Variants in RPS6KA3 observed in about 807,000 individuals in gnomAD.
The protein encoded by RPS6KA3 is ribosomal protein S6 kinase A3.
RPS6KA3 carries 4 observed loss-of-function variants against 67.2 expected under a neutral mutation model. That is an observed-to-expected ratio of 0.06 (90% CI 0.03 to 0.14). RPS6KA3 has a LOEUF of 0.14. Ranked by LOEUF, RPS6KA3 falls within the 10% of genes least tolerant of loss-of-function variation. RPS6KA3 has a pLI of 1.00. For synonymous variants in RPS6KA3, 182 were observed against 183.7 expected (o/e 0.99, Z 0.07); for missense variants, 204 against 559.0 (o/e 0.36, Z 6.40).
Position 20,186,560 on chromosome X carries a change from G to GT in RPS6KA3, c.775-195dup, listed in dbSNP as rs369090914. On this transcript the variant is annotated intron_variant, in intron 9 of 21. Coordinates refer to ENST00000379565, the MANE Select transcript of RPS6KA3 (RefSeq NM_004586.3). Reference sequence around the variant, plus strand: ...ATTCCTAAAACAACTGAGCTATACAGTTTTTTTTTTTTTGTAGAAATCAAT... The same window carrying GT: ...ATTCCTAAAACAACTGAGCTATACAGTTTTTTTTTTTTTTGTAGAAATCAAT... Among the ~76,000 whole-genome samples, 1,751 of 101,145 alleles carry GT rather than the reference G, an allele frequency of 0.017. 30 individuals are homozygous for GT. Among genetic ancestry groups the GT allele is most frequent in the African/African-American group, 0.051 (1,427 of 28,170 alleles). The allele number at this position is 101,145 out of a possible 115,157, so 87.8% of individuals were successfully genotyped here. A position where few individuals can be genotyped will look rare whatever the true frequency, so the allele number is the denominator to read the frequency against.
intron 2 of RPS6KA3, among the ~76,000 whole-genome samples, chrX:20,224,032 C>G (rs149219389): frequency 9.0e-6 from 1 of 111,456 alleles, no homozygotes; most frequent in African/African-American, 3.3e-5. Flanking sequence ...ATTTAAGATA[C>G]TACTATATTC....
At chrX:20,217,799 T>A (rs760163933) in intron 2 of RPS6KA3, among the ~76,000 whole-genome samples, 1 of 112,342 alleles carries the variant, frequency 8.9e-6, no homozygotes, top group Non-Finnish European at 1.9e-5. Flanking sequence ...AACCTCTTTG[T>A]AGATGATCAA....
chrX:20,227,587 C>A (rs1818563040), intron 2 of RPS6KA3, among the ~76,000 whole-genome samples: 1 of 110,923 alleles, frequency 9.0e-6, no homozygotes, highest in Non-Finnish European at 1.9e-5. Context: ...CAGAGATGAG[C>A]CTTCTTGAGA....
intron 5 of RPS6KA3, 108 bp from the exon 6 acceptor site, chrX:20,194,376 A>C (rs2068218196): frequency 2.0e-6 from 1 of 503,881 alleles, no homozygotes; most frequent in Non-Finnish European, 3.4e-6. Context: ...TCAAATGTCC[A>C]AACTTACTTT....
rs182018939 is a variant in RPS6KA3 at position 20,180,315 on chromosome X, G to A, written c.846-3231C>T. Among the ~76,000 whole-genome samples, 6 of 110,268 alleles carry A rather than the reference G, an allele frequency of 5.4e-5. No homozygotes were observed. The East Asian group carries it at 8.6e-4, about 16-fold the overall frequency. On this transcript the variant is annotated intron_variant, in intron 10 of 21. Transcript: ENST00000379565. The stretch of plus-strand genomic sequence containing the variant: ...CCTCCTGATGTAATAGGGACCACAC[G>A]GTATTAGCTGTGAAATAATCTTGCT...
intron 14 of RPS6KA3, among the ~76,000 whole-genome samples, chrX:20,174,598 C>T (rs2067654132): frequency 1.8e-5 from 2 of 109,380 alleles, no homozygotes; most frequent in African/African-American, 3.3e-5. Flanking sequence ...CTGCCCGCCT[C>T]GGCCTCCCAA....
At chrX:20,261,126 AG>A (rs1416056519) in intron 1 of RPS6KA3, among the ~76,000 whole-genome samples, 2 of 108,108 alleles carry the variant, frequency 1.8e-5, no homozygotes, top group Non-Finnish European at 3.8e-5. Flanking sequence ...GAGAGTTACT[AG>A]AGGATAGGAC....
chrX:20,216,564 G>A (rs1338977104), intron 2 of RPS6KA3, among the ~76,000 whole-genome samples: 2 of 109,995 alleles, frequency 1.8e-5, no homozygotes, highest in Non-Finnish European at 3.8e-5. Context: ...GTAAAGAGAT[G>A]AGAATAGCAG....
intron 1 of RPS6KA3, among the ~76,000 whole-genome samples, chrX:20,236,739 T>C (rs1413352222): frequency 8.9e-6 from 1 of 111,886 alleles, no homozygotes; most frequent in Admixed American, 9.5e-5. Context: ...GGGAGGCAAG[T>C]ATAAAATCTT....
At position 20,151,376 on chromosome X, in the gene RPS6KA3, T is replaced by C. The variant is rs1387705376; in HGVS notation, c.*4022A>G. 1.8e-5 allele frequency: 2 copies of C among 112,784 alleles called. No individual in the cohort carries two copies. Among genetic ancestry groups the C allele is most frequent in the African/African-American group, 3.2e-5 (1 of 30,931 alleles). The allele number at this position is 112,784 out of a possible 1,213,427, so 9.3% of individuals were successfully genotyped here. A position where few individuals can be genotyped will look rare whatever the true frequency, so the allele number is the denominator to read the frequency against. On this transcript the variant is annotated 3_prime_UTR_variant, in exon 22 of 22. Transcript: ENST00000379565. ...CAGCAAAATGTAAGCAACCTGGGGT[T>C]GAAAAGAGGACTGTTTTCATTAATT...
intron 2 of RPS6KA3, among the ~76,000 whole-genome samples, chrX:20,227,033 C>T (rs776380911): frequency 9.0e-6 from 1 of 111,364 alleles, no homozygotes; most frequent in East Asian, 2.8e-4. Flanking sequence ...TTTTAATTTG[C>T]TTTTATTTTC....
chrX:20,218,552 T>TA (rs1311694670), intron 2 of RPS6KA3, among the ~76,000 whole-genome samples: 8 of 110,198 alleles, frequency 7.3e-5, no homozygotes, highest in Admixed American at 3.9e-4. Flanking sequence ...ACTCTAGCAC[T>TA]AAAAAAAACA....
chrX:20,208,916 C>T (rs1032417290), intron 3 of RPS6KA3, among the ~76,000 whole-genome samples: 7 of 111,153 alleles, frequency 6.3e-5, no homozygotes, highest in African/African-American at 1.6e-4. Context: ...TATTAGAGTA[C>T]GCTGGAAGGG....
intron 2 of RPS6KA3, among the ~76,000 whole-genome samples, chrX:20,216,954 G>GT (rs1223938375): frequency 1.2e-4 from 13 of 112,127 alleles, no homozygotes; most frequent in African/African-American, 4.2e-4. Flanking sequence ...TGTACTAGGT[G>GT]TTAGAGATAC....
chrX:20,213,095 C>T (rs2148741589), intron 2 of RPS6KA3, among the ~76,000 whole-genome samples: 1 of 111,949 alleles, frequency 8.9e-6, no homozygotes, highest in African/African-American at 3.2e-5. Context: ...TACAATATGG[C>T]CTCAACCTAC....
At chrX:20,201,674 C>T (rs1460133720) in intron 4 of RPS6KA3, among the ~76,000 whole-genome samples, 1 of 110,750 alleles carries the variant, frequency 9.0e-6, no homozygotes, top group Non-Finnish European at 1.9e-5. Flanking sequence ...CCTATGGCTT[C>T]TTATTTTATT....
At chrX:20,208,272 C>T (rs187184926) in intron 3 of RPS6KA3, among the ~76,000 whole-genome samples, 276 of 110,469 alleles carry the variant, frequency 2.5e-3, no homozygotes, top group Middle Eastern at 4.6e-3. Context: ...AATGCTCACC[C>T]GGGGGTTGGG....
At chrX:20,236,680 A>G (rs2069419644) in intron 1 of RPS6KA3, among the ~76,000 whole-genome samples, 1 of 111,816 alleles carries the variant, frequency 8.9e-6, no homozygotes, top group Non-Finnish European at 1.9e-5. Context: ...GGGAATGCCT[A>G]TATAATACTA....
At chrX:20,166,322 G>A (rs757850234) in intron 17 of RPS6KA3, among the ~76,000 whole-genome samples, 2 of 111,731 alleles carry the variant, frequency 1.8e-5, no homozygotes, top group African/African-American at 3.2e-5. Flanking sequence ...TGAGGCATTG[G>A]GAAAAGAACA....
Sources: allele counts gnomAD v4.1 joint callset (sites outside exome capture counted in the v4.1 genomes callset), GRCh38; gene constraint gnomAD v4.1.1; transcripts MANE v1.5; gene names NCBI Gene and HGNC (gene_info 2026-07-23, HGNC 2026-07-21).